Variants in NCKAP5 observed in about 807,000 individuals in gnomAD.
NCKAP5 encodes NCK associated protein 5, also known as nck-associated protein 5.
A neutral mutation model predicts 167.0 loss-of-function variants in NCKAP5; 92 were observed. The observed-to-expected ratio is 0.55, with a 90% CI of 0.47 to 0.66. The LOEUF is 0.66. NCKAP5 is among the 30% of genes least tolerant of loss of function. The pLI is 0.00. For missense variants in NCKAP5, 2,378 were observed against 2,315.0 expected (o/e 1.03, Z -0.56); for synonymous variants, 891 against 877.4 (o/e 1.02, Z -0.27).
chr2:133,290,607 A>G (rs1679510935), intron 4 of NCKAP5, among the ~76,000 whole-genome samples: 1 of 151,886 alleles, frequency 6.6e-6, no homozygotes, highest in Admixed American at 6.6e-5. Flanking sequence ...TCATTTTAAC[A>G]TTTTTAAGCC....
At chr2:133,237,447 A>G (rs1055954476) in intron 4 of NCKAP5, among the ~76,000 whole-genome samples, 13 of 152,240 alleles carry the variant, frequency 8.5e-5, no homozygotes, top group African/African-American at 2.7e-4. Context: ...AAACTGAAGA[A>G]AAAACTTCAA....
chr2:132,905,692 C>T (rs1187044571), intron 8 of NCKAP5, among the ~76,000 whole-genome samples: 3 of 152,098 alleles, frequency 2.0e-5, no homozygotes, highest in South Asian at 4.2e-4. Context: ...ATTTTATAAC[C>T]TTCATTATAT....
At position 133,517,511 on chromosome 2, in the gene NCKAP5, G is replaced by A; in HGVS notation, c.16C>T (p.Gln6Ter). The A allele has an allele frequency of 6.5e-7, 1 of 1,537,232 alleles. No individual in the cohort carries two copies. The change falls in exon 3 of 20, where the codon CAG becomes TAG. Residue 6 changes from glutamine (Q) to a stop codon, truncating the protein, a stop_gained. Coordinates refer to ENST00000409261, the MANE Select transcript of NCKAP5 (RefSeq NM_207363.3). LOFTEE classifies it high-confidence loss of function. MEGKR[Q>*]LEKRDFGKRL... is the part of the protein sequence containing the mutation. ...TTTCCAAAGTCCCTTTTCTCAAGCT[G>A]TCTCTTTCCCTCCATGGATGAAGTT... is the stretch of plus-strand genomic sequence containing the variant.
At chr2:132,787,050 T>C (rs1683633349) in intron 13 of NCKAP5, among the ~76,000 whole-genome samples, 1 of 152,162 alleles carries the variant, frequency 6.6e-6, no homozygotes, top group African/African-American at 2.4e-5. Context: ...CCTAATGATT[T>C]CTTAAGAAGG....
chr2:132,819,694 C>T (rs938530618), intron 11 of NCKAP5, among the ~76,000 whole-genome samples: 8 of 151,296 alleles, frequency 5.3e-5, no homozygotes, highest in Admixed American at 5.3e-4. Context: ...AAGTCATTCA[C>T]TTAATCTGTT....
chr2:133,650,739 A>G, the NCKAP5 span, among the ~76,000 whole-genome samples: 1 of 151,902 alleles, frequency 6.6e-6, no homozygotes, highest in Non-Finnish European at 1.5e-5. Flanking sequence ...AAAAATAGCC[A>G]CACGTGGTGG....
chr2:133,037,244 A>G (rs772694614), intron 6 of NCKAP5, among the ~76,000 whole-genome samples: 4 of 152,182 alleles, frequency 2.6e-5, no homozygotes, highest in Non-Finnish European at 5.9e-5. Flanking sequence ...CTACAGATTC[A>G]ATGCAATCCC....
intron 2 of NCKAP5, among the ~76,000 whole-genome samples, chr2:133,534,316 T>C (rs1350370856): frequency 6.6e-6 from 1 of 152,218 alleles, no homozygotes; most frequent in Non-Finnish European, 1.5e-5. Context: ...TCATTGCATC[T>C]AATTTACAGC....
chr2:133,406,078 T>C (rs547801031), intron 3 of NCKAP5, among the ~76,000 whole-genome samples: 35 of 152,350 alleles, frequency 2.3e-4, no homozygotes, highest in African/African-American at 8.4e-4. Context: ...TTTCCCATCA[T>C]GTTGGGATTT....
At chr2:133,317,751 G>A (rs1472468246) in intron 3 of NCKAP5, among the ~76,000 whole-genome samples, 1 of 152,222 alleles carries the variant, frequency 6.6e-6, no homozygotes, top group Non-Finnish European at 1.5e-5. Context: ...CTAAGGACTG[G>A]TTAATTGGTA....
chr2:133,609,749 G>A, the NCKAP5 span, among the ~76,000 whole-genome samples: 1 of 152,096 alleles, frequency 6.6e-6, no homozygotes, highest in Non-Finnish European at 1.5e-5. Context: ...AGCTTGCCAA[G>A]ATAAAGAATA....
intron 19 of NCKAP5, among the ~76,000 whole-genome samples, chr2:132,679,280 C>A (rs1377660422): frequency 6.6e-6 from 1 of 152,124 alleles, no homozygotes; most frequent in Non-Finnish European, 1.5e-5. Context: ...GTGCTTCTGA[C>A]AGTCTGATTC....
chr2:133,246,962 C>T (rs1475232168), intron 4 of NCKAP5, among the ~76,000 whole-genome samples: 2 of 152,314 alleles, frequency 1.3e-5, no homozygotes, highest in East Asian at 3.9e-4. Flanking sequence ...ATCCAGCATC[C>T]TTTTCAATAA....
At chr2:132,744,687 A>G (rs984471488) in intron 16 of NCKAP5, among the ~76,000 whole-genome samples, 1 of 151,622 alleles carries the variant, frequency 6.6e-6, no homozygotes, top group Non-Finnish European at 1.5e-5. Context: ...GTTATTTTAC[A>G]TGACTGATCC....
rs2084315618 is a variant in NCKAP5, at chr2:133,173,073, C to A, written c.207+40643G>T. ...TCAGGTTCAGGAGCACTGAGGGCTG[C>A]ATCCTCAAGCCAGGGGCAACCAGTA... On this transcript the variant is annotated intron_variant, in intron 5 of 19. Coordinates refer to ENST00000409261, the MANE Select transcript of NCKAP5 (RefSeq NM_207363.3). Among the ~76,000 whole-genome samples, 4 of 152,238 alleles carry A rather than the reference C, an allele frequency of 2.6e-5. No homozygotes were observed. In the South Asian group the frequency reaches 8.3e-4, roughly 32 times the overall value.
intron 8 of NCKAP5, among the ~76,000 whole-genome samples, chr2:132,891,506 T>C (rs1324959126): frequency 6.6e-6 from 1 of 152,226 alleles, no homozygotes; most frequent in African/African-American, 2.4e-5. Context: ...TTTATACTTT[T>C]CCTTCTCTTG....
At chr2:132,690,770 T>C (rs1276507643) in intron 19 of NCKAP5, among the ~76,000 whole-genome samples, 4 of 152,122 alleles carry the variant, frequency 2.6e-5, no homozygotes, top group African/African-American at 9.7e-5. Context: ...GCCTGGACAG[T>C]AAGAGGAGGG....
intron 3 of NCKAP5, among the ~76,000 whole-genome samples, chr2:133,348,630 G>A (rs1326314699): frequency 6.6e-6 from 1 of 151,952 alleles, no homozygotes; most frequent in Non-Finnish European, 1.5e-5. Context: ...GAGAAATGCA[G>A]GCCCAAAAAC....
chr2:133,510,636 G>A (rs1486102690), intron 3 of NCKAP5, among the ~76,000 whole-genome samples: 1 of 152,226 alleles, frequency 6.6e-6, no homozygotes, highest in Non-Finnish European at 1.5e-5. Flanking sequence ...CACAGATACA[G>A]CAGACGTGCT....
Sources: gnomAD v4.1 joint callset for allele counts (sites outside exome capture counted in the v4.1 genomes callset) on GRCh38, gnomAD v4.1.1 for gene constraint, MANE v1.5 for transcripts, NCBI Gene and HGNC (gene_info 2026-07-23, HGNC 2026-07-21) for gene names.